The following LRRK2 variants were observed in gnomAD, a reference collection of about 807,000 sequenced individuals.
The protein encoded by LRRK2 is leucine-rich repeat serine/threonine-protein kinase 2.
Under a neutral mutation model 302.6 loss-of-function variants are expected in LRRK2, and 203 were observed. That is an observed-to-expected ratio of 0.67 (90% confidence interval 0.60 to 0.75). The LOEUF (loss-of-function observed/expected upper bound fraction) is 0.75. Among genes scored for constraint, LRRK2 ranks in the 30% least tolerant of loss-of-function variants. LRRK2 has a pLI of 0.00. For synonymous variants in LRRK2, 1,066 were observed against 1,031.9 expected (o/e 1.03, Z -0.63); for missense variants, 2,830 against 2,951.0 (o/e 0.96, Z 0.95).
chr12:40,325,888 G>T (rs1286698364), intron 38 of LRRK2, among the ~76,000 whole-genome samples: 3 of 152,136 alleles, frequency 2.0e-5, no homozygotes, highest in African/African-American at 7.2e-5. Context: ...AAATATAAAT[G>T]TATGGGATTC....
At chr12:40,353,352 G>T (rs1459968627) in intron 44 of LRRK2, among the ~76,000 whole-genome samples, 6 of 148,664 alleles carry the variant, frequency 4.0e-5, no homozygotes, top group Non-Finnish European at 9.0e-5. Flanking sequence ...ACAGGGTTGC[G>T]GCCGGGCATA....
At chr12:40,314,250 T>G in intron 32 of LRRK2, 77 bp downstream of exon 32, 1 of 1,422,970 alleles carries the variant, frequency 7.0e-7, no homozygotes, top group South Asian at 1.2e-5. Flanking sequence ...TTTTATAGAA[T>G]TTACATTCAA....
At position 40,277,942 on chromosome 12, in the gene LRRK2, C is replaced by A. The variant is rs751212416; in HGVS notation, c.1996C>A (p.Leu666Met). The part of the protein sequence containing the change: ...LKLSASFSKL[L>M]VHHSFDLVIF... ...ATTGTCAGCATCTTTTTCTAAGCTG[C>A]TGGTGCATCATTCATTTGACTTAGT... Residue 666 changes from leucine to methionine, a missense_variant, in exon 17 of 51, where the codon CTG (leucine) becomes ATG (methionine). Around this residue, in one of 3 missense-constraint regions of LRRK2, gnomAD observed 2,121 missense variants for 2,148.0 expected, o/e 0.99. Transcript: ENST00000298910. 1 of 1,612,712 alleles carries A rather than the reference C, an allele frequency of 6.2e-7. No homozygotes were observed. The highest frequency in any genetic ancestry group is 1.1e-5 in the South Asian group (1 of 91,044).
intron 2 of LRRK2, among the ~76,000 whole-genome samples, chr12:40,230,351 A>ATTGGGTG: frequency 6.6e-6 from 1 of 152,256 alleles, no homozygotes; most frequent in East Asian, 1.9e-4. Flanking sequence ...ATTATTCCTT[A>ATTGGGTG]TTGGGTGCAT....
Position 40,259,509 on chromosome 12 carries a change from T to A in LRRK2, c.1448T>A (p.Val483Glu), listed in dbSNP as rs1565687881. 1 of 1,613,298 alleles carries A rather than the reference T, an allele frequency of 6.2e-7. No individual in the cohort carries two copies. The highest frequency in any genetic ancestry group is 1.7e-5 in the Admixed American group (1 of 59,944). ...SNTSLDIMAA[V>E]VPKILTVMKR... ...ACTTCCCTGGATATAATGGCAGCAGTGGTCCCCAAAATACTAACAGTTATG... is the reference window on the plus strand; with the variant it reads ...ACTTCCCTGGATATAATGGCAGCAGAGGTCCCCAAAATACTAACAGTTATG... The change falls in exon 13 of 51, where the codon GTG becomes GAG. Residue 483 changes from valine (V) to glutamate (E), a missense_variant. By Grantham distance (121) the Val-to-Glu change is moderately radical. Transcript: ENST00000298910.
At chr12:40,249,521 C>T (rs766930430) in intron 7 of LRRK2, among the ~76,000 whole-genome samples, 3 of 152,018 alleles carry the variant, frequency 2.0e-5, no homozygotes, top group South Asian at 2.1e-4. Context: ...TGAATATTGT[C>T]GTGCCGTGTG....
At position 40,265,295 on chromosome 12, in the gene LRRK2, G is replaced by A. The variant is rs112290054; in HGVS notation, c.1656+1394G>A. Among the ~76,000 whole-genome samples, 1,190 of 152,250 alleles carry A rather than the reference G, an allele frequency of 7.8e-3. 20 individuals are homozygous for A. The highest frequency in any genetic ancestry group is 0.026 in the African/African-American group (1,094 of 41,546). Reference sequence around the variant, plus strand: ...TCTTCTCTCCTGAATCTCATAAGCCGGTTGTTGATGGCTGTTGTGAAACCT... The same window carrying A: ...TCTTCTCTCCTGAATCTCATAAGCCAGTTGTTGATGGCTGTTGTGAAACCT... On this transcript the variant is annotated intron_variant, in intron 14 of 50. Transcript: ENST00000298910.
In LRRK2 at chr12:40,243,361, T is replaced by C. The variant is rs17519580; in HGVS notation, c.707-189T>C. The stretch of plus-strand genomic sequence containing the variant: ...TTTCCTTAATGCCAAAGATTAGTCC[T>C]ACACCCCATTATGTTATTAATGAAC... On this transcript the variant is annotated intron_variant, in intron 6 of 50. Transcript: ENST00000298910. Among the ~76,000 whole-genome samples, 3,858 of 152,230 alleles carry C rather than the reference T, an allele frequency of 0.025. 168 individuals carry two copies. The highest frequency in any genetic ancestry group is 0.085 in the African/African-American group (3,524 of 41,538).
At chr12:40,360,680 A>G (rs1476157560) in intron 47 of LRRK2, among the ~76,000 whole-genome samples, 2 of 152,130 alleles carry the variant, frequency 1.3e-5, no homozygotes, top group African/African-American at 4.8e-5. Flanking sequence ...TGAAGTCCAA[A>G]TTCCTTAAGA....
intron 7 of LRRK2, among the ~76,000 whole-genome samples, chr12:40,249,379 G>A (rs560850519): frequency 2.9e-4 from 44 of 150,366 alleles, no homozygotes; most frequent in African/African-American, 1.1e-3. Context: ...ACATGCCAAT[G>A]AATTTTCTAA....
chr12:40,241,309 A>G (rs970351172), intron 6 of LRRK2, among the ~76,000 whole-genome samples: 3 of 152,206 alleles, frequency 2.0e-5, no homozygotes, highest in Non-Finnish European at 2.9e-5. Flanking sequence ...CACATGAAGG[A>G]GTTTGAATTT....
chr12:40,257,042 G>A (rs951583781), intron 11 of LRRK2, among the ~76,000 whole-genome samples: 1 of 151,990 alleles, frequency 6.6e-6, no homozygotes, highest in Non-Finnish European at 1.5e-5. Flanking sequence ...CCAACAAAGG[G>A]TTAATAAAGG....
At chr12:40,339,475 T>C (rs184450182) in intron 40 of LRRK2, among the ~76,000 whole-genome samples, 19 of 152,256 alleles carry the variant, frequency 1.2e-4, no homozygotes, top group Non-Finnish European at 2.2e-4. Context: ...CTTTACACTG[T>C]TTTTTTATAT....
chr12:40,324,816 A>T (rs1394238032), intron 38 of LRRK2, among the ~76,000 whole-genome samples: 1 of 152,220 alleles, frequency 6.6e-6, no homozygotes, highest in South Asian at 2.1e-4. Context: ...TGAATCCTAC[A>T]TCTTAACCCC....
chr12:40,310,292 G>A, intron 30 of LRRK2, 139 bp from the exon 31 acceptor site: 1 of 834,496 alleles, frequency 1.2e-6, no homozygotes, highest in Non-Finnish European at 2.0e-6. Context: ...AAAAAGGACA[G>A]TTGTTCTTTT....
chr12:40,230,661 A>G (rs928071564), intron 2 of LRRK2, among the ~76,000 whole-genome samples: 7 of 143,430 alleles, frequency 4.9e-5, no homozygotes, highest in African/African-American at 1.8e-4. Flanking sequence ...ACATATATGC[A>G]CTTTCTCTTT....
At chr12:40,250,149 T>A (rs1476305264) in intron 8 of LRRK2, among the ~76,000 whole-genome samples, 1 of 152,210 alleles carries the variant, frequency 6.6e-6, no homozygotes, top group Non-Finnish European at 1.5e-5. Context: ...TTGCTTTACA[T>A]CATTCTTGAT....
At chr12:40,287,310 A>G in intron 19 of LRRK2, 41 bp from the exon 20 acceptor site, 1 of 1,571,520 alleles carries the variant, frequency 6.4e-7, no homozygotes, top group East Asian at 2.2e-5. Flanking sequence ...TTTTTGCATA[A>G]TTGTTGATTT....
chr12:40,311,428 A>G (rs1343057972), intron 31 of LRRK2, among the ~76,000 whole-genome samples: 1 of 152,136 alleles, frequency 6.6e-6, no homozygotes, highest in Non-Finnish European at 1.5e-5. Flanking sequence ...ACTGAAAAAT[A>G]CCCTTGATAG....
Sources: allele counts gnomAD v4.1 joint callset (sites outside exome capture counted in the v4.1 genomes callset), GRCh38; gene constraint gnomAD v4.1.1; regional missense constraint gnomAD v4.1.1; transcripts MANE v1.5; gene names NCBI Gene and HGNC (gene_info 2026-07-23, HGNC 2026-07-21).